The following EPHB1 variants were observed in gnomAD, a reference collection of about 807,000 sequenced individuals.
The protein encoded by EPHB1 is ephrin type-B receptor 1.
A neutral mutation model predicts 94.4 loss-of-function variants in EPHB1; 30 were observed. The observed-to-expected ratio is 0.32, with a 90% CI of 0.24 to 0.43. EPHB1 has a LOEUF of 0.43. Ranked by LOEUF, EPHB1 falls within the 20% of genes least tolerant of loss-of-function variation. The probability of loss-of-function intolerance (pLI) is 1.00; values close to 1 mark genes in which losing one functional copy is unlikely to be tolerated. For synonymous variants in EPHB1, 522 were observed against 489.1 expected, an observed-to-expected ratio of 1.07 and a Z score of -0.89; for missense variants, 1,055 against 1,308.3, an observed-to-expected ratio of 0.81 and a Z score of 2.99.
intron 6 of EPHB1, among the ~76,000 whole-genome samples, chr3:135,155,212 A>G (rs1303369163): frequency 6.6e-6 from 1 of 152,208 alleles, no homozygotes; most frequent in African/African-American, 2.4e-5. Context: ...AAAAATAGCA[A>G]GGTAAATGGG....
chr3:135,240,602 A>G (rs1273554991), intron 12 of EPHB1, among the ~76,000 whole-genome samples: 1 of 152,178 alleles, frequency 6.6e-6, no homozygotes, highest in Non-Finnish European at 1.5e-5. Context: ...TGCATGCTAC[A>G]GAGTTAGGGA....
At chr3:134,913,815 G>T (rs968344571) in intron 1 of EPHB1, among the ~76,000 whole-genome samples, 4 of 152,232 alleles carry the variant, frequency 2.6e-5, no homozygotes, top group Admixed American at 2.6e-4. Flanking sequence ...TGGAGAGAAA[G>T]GCTCTTCAAA....
intron 10 of EPHB1, among the ~76,000 whole-genome samples, chr3:135,191,635 G>GA (rs1003227796): frequency 6.0e-5 from 9 of 149,750 alleles, no homozygotes; most frequent in Non-Finnish European, 3.0e-5. Context: ...GGATTCAACA[G>GA]ATTTTTTTTT....
chr3:135,044,201 A>G (rs1295113406), intron 3 of EPHB1, among the ~76,000 whole-genome samples: 1 of 152,202 alleles, frequency 6.6e-6, no homozygotes, highest in Non-Finnish European at 1.5e-5. Context: ...GCATAGTGGG[A>G]GAATCCTGAT....
intron 3 of EPHB1, among the ~76,000 whole-genome samples, chr3:134,961,617 C>A (rs1447857458): frequency 6.6e-6 from 1 of 152,182 alleles, no homozygotes; most frequent in East Asian, 1.9e-4. Flanking sequence ...TGGATTTGTA[C>A]ACTCTTCCCC....
chr3:134,916,587 G>A (rs962096712), intron 1 of EPHB1, among the ~76,000 whole-genome samples: 2 of 152,228 alleles, frequency 1.3e-5, no homozygotes, highest in South Asian at 2.1e-4. Flanking sequence ...CACACCCTCC[G>A]CAGCTGCTGG....
chr3:135,149,276 T>C (rs920906116), intron 5 of EPHB1, among the ~76,000 whole-genome samples: 1 of 152,270 alleles, frequency 6.6e-6, no homozygotes, highest in African/African-American at 2.4e-5. Context: ...GAATGTGTAA[T>C]TTATTCAAAA....
intron 1 of EPHB1, among the ~76,000 whole-genome samples, chr3:134,877,299 A>G (rs1262778528): frequency 6.6e-6 from 1 of 152,222 alleles, no homozygotes; most frequent in African/African-American, 2.4e-5. Flanking sequence ...CAGTGCAGCA[A>G]GGATAGCAAT....
intron 7 of EPHB1, among the ~76,000 whole-genome samples, chr3:135,164,266 T>G (rs1941589106): frequency 6.6e-6 from 1 of 152,206 alleles, no homozygotes; most frequent in Non-Finnish European, 1.5e-5. Context: ...GTCTTTAAAA[T>G]TCTAGAGAAT....
At chr3:135,154,874 G>C (rs552426819) in intron 6 of EPHB1, among the ~76,000 whole-genome samples, 1 of 152,294 alleles carries the variant, frequency 6.6e-6, no homozygotes, top group Admixed American at 6.5e-5. Context: ...AAAGGGAAAT[G>C]GTGCCTGGTG....
intron 2 of EPHB1, among the ~76,000 whole-genome samples, chr3:134,939,510 G>A (rs749515923): frequency 1.3e-5 from 2 of 152,202 alleles, no homozygotes; most frequent in Non-Finnish European, 2.9e-5. Context: ...GTTGGTTGGT[G>A]TAGTAAATGG....
intron 15 of EPHB1, among the ~76,000 whole-genome samples, chr3:135,256,624 C>T (rs1218274328): frequency 4.6e-5 from 7 of 152,198 alleles, no homozygotes; most frequent in East Asian, 1.9e-4. Context: ...GAGGGTAACC[C>T]GACCTTTCTC....
intron 3 of EPHB1, among the ~76,000 whole-genome samples, chr3:135,100,382 G>C (rs1159706742): frequency 6.6e-6 from 1 of 152,148 alleles, no homozygotes; most frequent in African/African-American, 2.4e-5. Flanking sequence ...AAGAAAAATT[G>C]TGAGAGCTAA....
intron 1 of EPHB1, among the ~76,000 whole-genome samples, chr3:134,897,532 T>G (rs1400629085): frequency 6.6e-6 from 1 of 152,144 alleles, no homozygotes; most frequent in African/African-American, 2.4e-5. Context: ...CAGGATATTT[T>G]CTCCACGGGT....
intron 1 of EPHB1, among the ~76,000 whole-genome samples, chr3:134,810,029 C>T (rs1231157667): frequency 1.3e-5 from 2 of 152,206 alleles, no homozygotes; most frequent in Non-Finnish European, 2.9e-5. Context: ...TCCTTGCTCA[C>T]ATACTGCATC....
chr3:134,892,163 T>A (rs1335706568), intron 1 of EPHB1, among the ~76,000 whole-genome samples: 1 of 152,264 alleles, frequency 6.6e-6, no homozygotes, highest in Non-Finnish European at 1.5e-5. Context: ...ACAGAAAGGA[T>A]GTTCTAAGTG....
At chr3:134,811,546 C>A (rs910589280) in intron 1 of EPHB1, among the ~76,000 whole-genome samples, 1 of 151,556 alleles carries the variant, frequency 6.6e-6, no homozygotes, top group Non-Finnish European at 1.5e-5. Flanking sequence ...GCCTAAGAAG[C>A]CTTTTTAAGA....
Position 135,247,712 on chromosome 3 carries a change from C to CAATT in EPHB1, c.2497-602_2497-599dup, listed in dbSNP as rs547827680. ...TTTGACTGTTGTCATTGATTTGAAC[C>CAATT]AATTATTTGTTTAACCAAGCCCATT... is the stretch of plus-strand genomic sequence containing the variant. On this transcript the variant is annotated intron_variant, in intron 13 of 15. Transcript: ENST00000398015. Among the ~76,000 whole-genome samples, 214 of 152,286 alleles carry CAATT rather than the reference C, an allele frequency of 1.4e-3. 1 individual carries two copies. Among genetic ancestry groups the CAATT allele is most frequent in the Admixed American group, 2.5e-3 (38 of 15,296 alleles).
At chr3:135,117,094 A>T (rs1283871028) in intron 4 of EPHB1, among the ~76,000 whole-genome samples, 1 of 152,244 alleles carries the variant, frequency 6.6e-6, no homozygotes, top group South Asian at 2.1e-4. Flanking sequence ...GATATCCACA[A>T]AGAGCAGAGG....
Sources: gnomAD v4.1 joint callset for allele counts (sites outside exome capture counted in the v4.1 genomes callset) on GRCh38, gnomAD v4.1.1 for gene constraint, MANE v1.5 for transcripts, NCBI Gene and HGNC (gene_info 2026-07-23, HGNC 2026-07-21) for gene names.